Variants in GSE1 observed in about 807,000 individuals in gnomAD.
GSE1 encodes the protein Gse1 coiled-coil protein.
In GSE1, 32 loss-of-function variants were observed where a neutral mutation model predicts 112.6. The observed-to-expected ratio is 0.28, with a 90% CI of 0.21 to 0.38. GSE1 has a LOEUF of 0.38. Ranked by LOEUF, GSE1 falls within the 10% of genes least tolerant of loss-of-function variation. The pLI is 1.00. For synonymous variants in GSE1, 1,115 were observed against 735.6 expected (o/e 1.52, Z -8.35); for missense variants, 2,348 against 1,699.2 (o/e 1.38, Z -6.71).
At chr16:85,207,064 C>T (rs1032580446) in intron 1 of GSE1, among the ~76,000 whole-genome samples, 5 of 152,198 alleles carry the variant, frequency 3.3e-5, no homozygotes, top group South Asian at 2.1e-4. Flanking sequence ...CAGGTCCGAG[C>T]GGAGGGCTCT....
chr16:85,646,091 G>C (rs2050840235), intron 2 of GSE1, among the ~76,000 whole-genome samples: 1 of 119,020 alleles, frequency 8.4e-6, no homozygotes, highest in South Asian at 2.8e-4. Context: ...CTTCTACCAC[G>C]CTTCCTATGC....
At chr16:85,455,561 C>T (rs751826) in intron 2 of GSE1, among the ~76,000 whole-genome samples, 3,432 of 152,292 alleles carry the variant, frequency 0.023, 124 homozygotes, top group African/African-American at 0.079. Context: ...AACAGAAGGG[C>T]AAGCAGAGCC....
chr16:85,526,526 C>T (rs2052369518), intron 2 of GSE1, among the ~76,000 whole-genome samples: 1 of 152,238 alleles, frequency 6.6e-6, no homozygotes, highest in Non-Finnish European at 1.5e-5. Context: ...GCAGCGGCTG[C>T]CTGGGAGCAA....
chr16:85,351,713 G>A (rs1317414063), intron 1 of GSE1, among the ~76,000 whole-genome samples: 1 of 152,294 alleles, frequency 6.6e-6, no homozygotes, highest in Non-Finnish European at 1.5e-5. Context: ...CCTTGGGCTG[G>A]GCGCAGTGGC....
intron 1 of GSE1, among the ~76,000 whole-genome samples, chr16:85,236,766 T>A (rs1904708638): frequency 6.6e-6 from 1 of 151,804 alleles, no homozygotes; most frequent in African/African-American, 2.4e-5. Flanking sequence ...CCCCAGAGAT[T>A]ATGAGGGAAC....
Position 85,666,240 on chromosome 16 carries a change from C to T in GSE1, c.3023C>T (p.Thr1008Ile). The change falls in exon 13 of 16, where the codon ACC becomes ATC. Residue 1008 changes from threonine (T) to isoleucine (I), a missense_variant. Physicochemically the swap from Thr to Ile is moderately conservative, Grantham distance 89. Transcript: ENST00000253458. ...KDIPVPLSHS[T>I]NGKSKPWEPF... Reference sequence around the variant, plus strand: ...ATTCCTGTGCCGCTGTCCCACAGCACCAATGGGAAGAGCAAGCCGTGGGAG... The same window carrying T: ...ATTCCTGTGCCGCTGTCCCACAGCATCAATGGGAAGAGCAAGCCGTGGGAG... 2 of 1,613,812 alleles carry T rather than the reference C, an allele frequency of 1.2e-6. No individual in the cohort carries two copies. Among genetic ancestry groups the T allele is most frequent in the Non-Finnish European group, 1.7e-6 (2 of 1,180,030 alleles).
chr16:85,504,001 G>T (rs972484449), intron 2 of GSE1, among the ~76,000 whole-genome samples: 1 of 152,292 alleles, frequency 6.6e-6, no homozygotes, highest in East Asian at 1.9e-4. Flanking sequence ...GGTCACCGGA[G>T]CCCGGGCTGC....
At chr16:85,277,159 A>G (rs1435282610) in intron 1 of GSE1, among the ~76,000 whole-genome samples, 1 of 151,628 alleles carries the variant, frequency 6.6e-6, no homozygotes, top group Non-Finnish European at 1.5e-5. Flanking sequence ...CAGCCTGTGG[A>G]GTGGGGAGAA....
chr16:85,352,496 A>T (rs2046870728), intron 1 of GSE1, among the ~76,000 whole-genome samples: 2 of 152,124 alleles, frequency 1.3e-5, no homozygotes, highest in African/African-American at 4.8e-5. Context: ...GGATGCTGAC[A>T]TCACAGGCCC....
rs377154698 is a variant in GSE1 at position 85,202,030 on chromosome 16, CTT to C, written c.2283+30224_2283+30225del. Among the ~76,000 whole-genome samples the C allele has an allele frequency of 5.6e-4, 85 of 152,316 alleles. 3 individuals carry two copies. The East Asian group carries it at 0.015, about 27-fold the overall frequency. Reference sequence around the variant, plus strand: ...AAAAGTGAGTTGATGAAAAGGAAAACTTGAGGTGAGTGCAAGTCCTGGTGGGT... The same window carrying C: ...AAAAGTGAGTTGATGAAAAGGAAAACGAGGTGAGTGCAAGTCCTGGTGGGT... On this transcript the variant is annotated intron_variant, in intron 1 of 2. Transcript: ENST00000637419.
chr16:85,370,362 C>T (rs2047269048), intron 2 of GSE1, among the ~76,000 whole-genome samples: 2 of 152,150 alleles, frequency 1.3e-5, no homozygotes, highest in African/African-American at 4.8e-5. Flanking sequence ...AGCAGCTAAG[C>T]CATGGTCCTC....
upstream of GSE1, among the ~76,000 whole-genome samples, chr16:85,610,759 G>A (rs534535861): frequency 1.1e-4 from 16 of 152,358 alleles, no homozygotes; most frequent in African/African-American, 3.8e-4. Flanking sequence ...GTGACTTCCA[G>A]GTGTGAGCAG....
intron 9 of GSE1, 116 bp downstream of exon 9, chr16:85,661,881 T>TCCCAGGC (rs1443529883): frequency 1.9e-6 from 2 of 1,065,212 alleles, no homozygotes; most frequent in Non-Finnish European, 2.6e-6. Flanking sequence ...CCTGGGGTAG[T>TCCCAGGC]CCCAGGCCCC....
At chr16:85,305,064 C>A (rs948849865) in intron 1 of GSE1, among the ~76,000 whole-genome samples, 1 of 152,196 alleles carries the variant, frequency 6.6e-6, no homozygotes, top group Non-Finnish European at 1.5e-5. Flanking sequence ...CCCTCCCATT[C>A]CCCTAGGGCA....
chr16:85,211,558 G>A (rs1055161395), intron 1 of GSE1, among the ~76,000 whole-genome samples: 17 of 152,198 alleles, frequency 1.1e-4, no homozygotes, highest in Admixed American at 7.9e-4. Context: ...CAGCTTCTCC[G>A]CAGGGCTGAG....
rs2045478453 is a variant in GSE1 at position 85,300,087 on chromosome 16, C to T, written c.2284-57376C>T. ...AGTGCAATGGCACCATCTCAGCTCA[C>T]CGTAACCTCTGCCTCCCGGGTTCAA... is the stretch of plus-strand genomic sequence containing the variant. On this transcript the variant is annotated intron_variant, in intron 1 of 2. Coordinates refer to the GSE1 transcript ENST00000637419. Among the ~76,000 whole-genome samples, 5 of 152,148 alleles carry T rather than the reference C, an allele frequency of 3.3e-5. 1 individual carries two copies. In the South Asian group the frequency reaches 8.3e-4, roughly 25 times the overall value.
At chr16:85,657,225 G>C in intron 7 of GSE1, 52 bp from the exon 8 acceptor site, 1 of 1,249,578 alleles carries the variant, frequency 8.0e-7, no homozygotes, top group Non-Finnish European at 1.1e-6. Context: ...CGGGGAGGGA[G>C]CATGCTGGCC....
chr16:85,329,968 G>A (rs974522840), intron 1 of GSE1, among the ~76,000 whole-genome samples: 1 of 151,892 alleles, frequency 6.6e-6, no homozygotes, highest in African/African-American at 2.4e-5. Flanking sequence ...GCCCTCCAGG[G>A]GCTCCCATGC....
chr16:85,521,563 C>G (rs1012558668), intron 2 of GSE1, among the ~76,000 whole-genome samples: 5 of 152,236 alleles, frequency 3.3e-5, no homozygotes, highest in Non-Finnish European at 5.9e-5. Context: ...CTGTGGACCT[C>G]GGTATCTTCT....
Sources: allele counts gnomAD v4.1 joint callset (sites outside exome capture counted in the v4.1 genomes callset), GRCh38; gene constraint gnomAD v4.1.1; transcripts MANE v1.5; gene names NCBI Gene and HGNC (gene_info 2026-07-23, HGNC 2026-07-21).